Variants in SPATA17 observed in about 807,000 individuals in gnomAD.
SPATA17 encodes spermatogenesis-associated protein 17.
In SPATA17, 53 loss-of-function variants were observed where a neutral mutation model predicts 62.2. The observed-to-expected ratio is 0.85, with a 90% CI of 0.68 to 1.07. SPATA17 has a LOEUF of 1.07. Ranked by LOEUF, SPATA17 falls within the 50% of genes least tolerant of loss-of-function variation. The probability of loss-of-function intolerance (pLI) is 0.00; values close to 1 mark genes in which losing one functional copy is unlikely to be tolerated. For synonymous variants in SPATA17, 146 were observed against 146.8 expected (o/e 0.99, Z 0.04); for missense variants, 466 against 425.5 (o/e 1.10, Z -0.84).
chr1:217,757,237 A>G (rs1452640617), intron 6 of SPATA17, among the ~76,000 whole-genome samples: 1 of 152,192 alleles, frequency 6.6e-6, no homozygotes, highest in Non-Finnish European at 1.5e-5. Context: ...GAACCAGTGG[A>G]GAGAAAAATA....
chr1:217,865,184 C>A (rs913540983), intron 10 of SPATA17, among the ~76,000 whole-genome samples: 4 of 152,096 alleles, frequency 2.6e-5, no homozygotes, highest in African/African-American at 9.7e-5. Flanking sequence ...GGGACACCTG[C>A]ACCAAACTGT....
At chr1:217,647,842 G>C (rs1670222699) in intron 1 of SPATA17, among the ~76,000 whole-genome samples, 1 of 151,888 alleles carries the variant, frequency 6.6e-6, no homozygotes. Context: ...TTCTGTCTCG[G>C]CCCCCGAGTA....
At chr1:217,706,991 C>G (rs546744042) in intron 5 of SPATA17, among the ~76,000 whole-genome samples, 1 of 152,130 alleles carries the variant, frequency 6.6e-6, no homozygotes, top group South Asian at 2.1e-4. Flanking sequence ...CTCAGACTCC[C>G]AAATAGCTGG....
At chr1:217,687,587 T>C (rs1400768503) in intron 5 of SPATA17, among the ~76,000 whole-genome samples, 1 of 152,156 alleles carries the variant, frequency 6.6e-6, no homozygotes, top group Non-Finnish European at 1.5e-5. Context: ...CAATTACATA[T>C]AGTATTCGGT....
chr1:217,805,840 T>C (rs1340590423), intron 9 of SPATA17, among the ~76,000 whole-genome samples: 1 of 152,226 alleles, frequency 6.6e-6, no homozygotes, highest in African/African-American at 2.4e-5. Flanking sequence ...AAGAATTTAA[T>C]ATTGTTAAAA....
intron 9 of SPATA17, among the ~76,000 whole-genome samples, chr1:217,859,116 A>T (rs564827621): frequency 6.9e-6 from 1 of 145,260 alleles, no homozygotes; most frequent in African/African-American, 2.5e-5. Context: ...TGTTTATATT[A>T]TACATAAATT....
intron 6 of SPATA17, among the ~76,000 whole-genome samples, chr1:217,758,084 G>T (rs973718569): frequency 6.6e-6 from 1 of 152,176 alleles, no homozygotes; most frequent in African/African-American, 2.4e-5. Context: ...ACCTGATATT[G>T]TAGGCATGCA....
chr1:217,638,592 A>G (rs1007190477), intron 1 of SPATA17, among the ~76,000 whole-genome samples: 6 of 152,174 alleles, frequency 3.9e-5, no homozygotes, highest in Non-Finnish European at 8.8e-5. Flanking sequence ...TATATGTATC[A>G]AACAACTGAA....
chr1:217,702,850 A>AT (rs957425280), intron 5 of SPATA17, among the ~76,000 whole-genome samples: 27 of 149,258 alleles, frequency 1.8e-4, no homozygotes, highest in South Asian at 4.2e-4. Context: ...GAGATGACAA[A>AT]TTTTTTTTTC....
At chr1:217,641,351 T>A (rs529999787) in intron 1 of SPATA17, among the ~76,000 whole-genome samples, 10 of 152,080 alleles carry the variant, frequency 6.6e-5, no homozygotes, top group Non-Finnish European at 1.2e-4. Context: ...GTCTAGCATC[T>A]ATTCATAAAT....
intron 9 of SPATA17, among the ~76,000 whole-genome samples, chr1:217,808,361 ACACACACACACACACACACACCCC>A (rs1301781626): frequency 1.1e-5 from 1 of 93,692 alleles, no homozygotes; most frequent in Non-Finnish European, 2.7e-5. Flanking sequence ...ACACACACAC[ACACACACACACACACACACACCCC>A]CCTCAGAATT....
chr1:217,856,790 C>G (rs556933260), intron 9 of SPATA17, among the ~76,000 whole-genome samples: 1 of 152,172 alleles, frequency 6.6e-6, no homozygotes, highest in Non-Finnish European at 1.5e-5. Context: ...TTTGTCAGAA[C>G]TGTAGAGATC....
chr1:217,654,922 A>G (rs932810150), intron 3 of SPATA17, among the ~76,000 whole-genome samples: 18 of 152,098 alleles, frequency 1.2e-4, no homozygotes, highest in Non-Finnish European at 1.9e-4. Context: ...CGTGTTAGCC[A>G]GATGGTCTCA....
intron 5 of SPATA17, among the ~76,000 whole-genome samples, chr1:217,725,732 G>T (rs188350049): frequency 1.3e-5 from 2 of 152,130 alleles, no homozygotes; most frequent in Middle Eastern, 3.2e-3. Context: ...CAAAGTGCTA[G>T]GATTATAGGT....
chr1:217,724,323 C>T (rs557550133), intron 5 of SPATA17, among the ~76,000 whole-genome samples: 14 of 152,088 alleles, frequency 9.2e-5, no homozygotes, highest in Non-Finnish European at 1.8e-4. Context: ...TATTGTCAGC[C>T]GGGTGTGGTG....
intron 6 of SPATA17, among the ~76,000 whole-genome samples, chr1:217,749,685 C>A (rs1273587329): frequency 6.6e-6 from 1 of 151,696 alleles, no homozygotes; most frequent in Non-Finnish European, 1.5e-5. Context: ...AAGTCTTTTG[C>A]CCTTTAACCC....
intron 5 of SPATA17, among the ~76,000 whole-genome samples, chr1:217,690,947 C>T (rs995499924): frequency 6.8e-6 from 1 of 146,448 alleles, no homozygotes; most frequent in South Asian, 2.2e-4. Flanking sequence ...CCGCAATAAA[C>T]GTACGTGTGC....
chr1:217,756,699 C>T (rs954279696), intron 6 of SPATA17, among the ~76,000 whole-genome samples: 2 of 152,142 alleles, frequency 1.3e-5, no homozygotes, highest in East Asian at 1.9e-4. Context: ...ATGCAAGGCC[C>T]TCTCACAGGA....
chr1:217,770,529 A>C (rs1234760310), intron 6 of SPATA17, among the ~76,000 whole-genome samples: 2 of 152,192 alleles, frequency 1.3e-5, no homozygotes, highest in East Asian at 3.9e-4. Context: ...TTTCATAGAA[A>C]CTTGTTTTAA....
Sources: allele counts gnomAD v4.1 joint callset (sites outside exome capture counted in the v4.1 genomes callset), GRCh38; gene constraint gnomAD v4.1.1; transcripts MANE v1.5; gene names NCBI Gene and HGNC (gene_info 2026-07-23, HGNC 2026-07-21).